Variants in RBFOX1 observed in about 807,000 individuals in gnomAD.
RBFOX1 encodes RNA binding protein fox-1 homolog 1.
In RBFOX1, 8 loss-of-function variants were observed where a neutral mutation model predicts 57.7. That is an observed-to-expected ratio of 0.14 (90% CI 0.08 to 0.25). RBFOX1 has a LOEUF of 0.25. Among genes scored for constraint, RBFOX1 ranks in the 10% least tolerant of loss-of-function variants. RBFOX1 has a pLI of 1.00. For synonymous variants in RBFOX1, 326 were observed against 222.4 expected (o/e 1.47, Z -4.15); for missense variants, 611 against 548.5 (o/e 1.11, Z -1.14).
At chr16:7,105,219 C>A (rs1482615848) in intron 4 of RBFOX1, among the ~76,000 whole-genome samples, 1 of 151,810 alleles carries the variant, frequency 6.6e-6, no homozygotes, top group African/African-American at 2.4e-5. Context: ...GGAGATTGGC[C>A]AGGTCTGGGT....
intron 3 of RBFOX1, among the ~76,000 whole-genome samples, chr16:5,657,315 G>A (rs2049462342): frequency 6.6e-6 from 1 of 152,158 alleles, no homozygotes; most frequent in South Asian, 2.1e-4. Flanking sequence ...ACAATTTATT[G>A]TATCACAAAC....
At chr16:6,156,687 C>T (rs1032485623) in intron 1 of RBFOX1, among the ~76,000 whole-genome samples, 3 of 152,152 alleles carry the variant, frequency 2.0e-5, no homozygotes, top group African/African-American at 7.2e-5. Context: ...CCAACTCTGC[C>T]ACTGACCTGA....
chr16:7,262,164 A>G (rs928720780), intron 4 of RBFOX1, among the ~76,000 whole-genome samples: 1 of 152,086 alleles, frequency 6.6e-6, no homozygotes, highest in African/African-American at 2.4e-5. Flanking sequence ...TTATATATCT[A>G]TAGATATGGA....
intron 1 of RBFOX1, among the ~76,000 whole-genome samples, chr16:5,370,411 G>C (rs1199691309): frequency 1.3e-5 from 2 of 151,266 alleles, no homozygotes; most frequent in African/African-American, 4.9e-5. Context: ...CCAGGATAGG[G>C]CACTGTCTGG....
intron 3 of RBFOX1, among the ~76,000 whole-genome samples, chr16:6,847,897 G>C (rs1478951946): frequency 1.3e-5 from 2 of 151,966 alleles, no homozygotes; most frequent in Non-Finnish European, 2.9e-5. Context: ...GAGAGTACTG[G>C]CACAATCTTG....
At chr16:6,045,128 G>T (rs566460358) in intron 1 of RBFOX1, among the ~76,000 whole-genome samples, 18 of 152,322 alleles carry the variant, frequency 1.2e-4, no homozygotes, top group Non-Finnish European at 2.4e-4. Flanking sequence ...TTTAATGAGC[G>T]TGCAAATCAC....
At chr16:7,363,186 A>G (rs12928069) in intron 4 of RBFOX1, among the ~76,000 whole-genome samples, 16,962 of 152,078 alleles carry the variant, frequency 0.11, 1,266 homozygotes, top group African/African-American at 0.22. Context: ...GAACTGCACA[A>G]CGGATTGCCG....
intron 11 of RBFOX1, among the ~76,000 whole-genome samples, chr16:7,639,213 A>C (rs1280605134): frequency 6.6e-6 from 1 of 152,184 alleles, no homozygotes; most frequent in Non-Finnish European, 1.5e-5. Context: ...CAAAATGTGA[A>C]GACTCCATTG....
In RBFOX1 at chr16:6,420,539, C is replaced by A. The variant is rs138131834; in HGVS notation, c.-64+103482C>A. On this transcript the variant is annotated intron_variant, in intron 2 of 15. Transcript: ENST00000550418. ...TTCTACTTTAAAGGGTGGAGAAAAA[C>A]CACATCGGGATAAAAGAGTGAGGCT... Among the ~76,000 whole-genome samples the A allele has an allele frequency of 1.1e-4, 16 of 152,234 alleles. No homozygotes were observed. The East Asian group carries it at 2.7e-3, about 26-fold the overall frequency.
intron 1 of RBFOX1, among the ~76,000 whole-genome samples, chr16:5,437,517 A>T (rs1186905097): frequency 6.6e-6 from 1 of 152,212 alleles, no homozygotes; most frequent in Non-Finnish European, 1.5e-5. Context: ...AGCAACCTGC[A>T]TATCCAACCA....
intron 1 of RBFOX1, among the ~76,000 whole-genome samples, chr16:5,431,474 A>C (rs970592139): frequency 1.3e-5 from 2 of 152,006 alleles, no homozygotes; most frequent in Non-Finnish European, 2.9e-5. Context: ...TCCTGGGTTC[A>C]AGCAATTCTT....
chr16:6,724,248 C>A (rs1349781575), intron 3 of RBFOX1, among the ~76,000 whole-genome samples: 1 of 139,222 alleles, frequency 7.2e-6, no homozygotes, highest in Admixed American at 7.4e-5. Context: ...TCACTCTTGT[C>A]ACCCATGCTG....
chr16:6,436,626 C>G (rs2094243930), intron 2 of RBFOX1, among the ~76,000 whole-genome samples: 1 of 148,694 alleles, frequency 6.7e-6, no homozygotes, highest in African/African-American at 2.5e-5. Context: ...TTCTTCTCAA[C>G]ACTTACTGTC....
At chr16:5,260,958 G>T (rs1438706364) in intron 1 of RBFOX1, 2 of 152,228 alleles carry the variant, frequency 1.3e-5, no homozygotes, top group African/African-American at 4.8e-5. Flanking sequence ...CCTTCCCGGG[G>T]TGAAGGACAT....
At chr16:6,867,347 T>A (rs531313140) in intron 3 of RBFOX1, among the ~76,000 whole-genome samples, 1 of 152,122 alleles carries the variant, frequency 6.6e-6, no homozygotes, top group Admixed American at 6.5e-5. Context: ...AGGAATAACC[T>A]CTCTTGGGGT....
intron 4 of RBFOX1, among the ~76,000 whole-genome samples, chr16:7,291,058 C>A (rs1377705790): frequency 2.0e-5 from 3 of 152,174 alleles, no homozygotes; most frequent in Non-Finnish European, 4.4e-5. Context: ...GCAGTTTCAG[C>A]CAAAGAGCAT....
chr16:5,252,152 T>C (rs2062468712), intron 1 of RBFOX1, among the ~76,000 whole-genome samples: 1 of 152,118 alleles, frequency 6.6e-6, no homozygotes, highest in South Asian at 2.1e-4. Context: ...GACAGGGAAG[T>C]GTGGAAGGGT....
chr16:6,986,416 C>G (rs987301742), intron 3 of RBFOX1, among the ~76,000 whole-genome samples: 2 of 152,020 alleles, frequency 1.3e-5, no homozygotes, highest in Non-Finnish European at 2.9e-5. Flanking sequence ...CCAGGCTGGT[C>G]TGGAACTCCT....
At chr16:7,242,041 A>G (rs911464010) in intron 4 of RBFOX1, among the ~76,000 whole-genome samples, 5 of 152,104 alleles carry the variant, frequency 3.3e-5, no homozygotes, top group Non-Finnish European at 1.5e-5. Context: ...TGACCACTAG[A>G]TGCTATTACC....
Sources: allele counts gnomAD v4.1 joint callset (sites outside exome capture counted in the v4.1 genomes callset), GRCh38; gene constraint gnomAD v4.1.1; transcripts MANE v1.5; gene names NCBI Gene and HGNC (gene_info 2026-07-23, HGNC 2026-07-21).